The following SIGLEC6 variants were observed in gnomAD, a reference collection of about 807,000 sequenced individuals.
The protein encoded by SIGLEC6 is sialic acid-binding Ig-like lectin 6.
Under a neutral mutation model 41.4 loss-of-function variants are expected in SIGLEC6, and 31 were observed. The observed-to-expected ratio is 0.75, with a 90% CI of 0.56 to 1.01. The LOEUF is 1.01. Among genes scored for constraint, SIGLEC6 ranks in the 50% least tolerant of loss-of-function variants. The pLI is 0.00. For synonymous variants in SIGLEC6, 217 were observed against 231.0 expected, an observed-to-expected ratio of 0.94 and a Z score of 0.55; for missense variants, 555 against 558.6, an observed-to-expected ratio of 0.99 and a Z score of 0.06.
chr19:51,519,960 G>A lies in SIGLEC6; in HGVS notation c.*122C>T, dbSNP rs574497500. 36 of 893,274 alleles carry A rather than the reference G, an allele frequency of 4.0e-5. No homozygotes were observed. The highest frequency in any genetic ancestry group is 5.3e-5 in the Non-Finnish European group (33 of 619,168). The allele number at this position is 893,274 out of a possible 1,614,324, so 55.3% of individuals were successfully genotyped here. On this transcript the variant is annotated 3_prime_UTR_variant, in exon 8 of 8. Coordinates refer to ENST00000425629, the MANE Select transcript of SIGLEC6 (RefSeq NM_001245.7). ...AGACCTCTAACATCTGAAACTATAC[G>A]AAAATAAAGTTCTGTGTTTATGTCA...
chr19:51,531,596 G>A lies in SIGLEC6; in HGVS notation c.53C>T (p.Pro18Leu), dbSNP rs558145332. The A allele has an allele frequency of 1.4e-5, 22 of 1,613,676 alleles. No individual in the cohort carries two copies. The African/African-American group carries it at 2.7e-4, about 20-fold the overall frequency. ...SASEMLPLLL[P>L]LLWAGALAQE... ...GGCCCACTCACCTGCCCACAGCAGG[G>A]GCAGCAGCAGCGGTAGCATCTCTGA... The change falls in exon 1 of 8, where the codon CCC becomes CTC. Residue 18 changes from proline (P) to leucine (L), a missense_variant. Physicochemically the swap from Pro to Leu is moderately conservative, Grantham distance 98. Coordinates refer to ENST00000425629, the MANE Select transcript of SIGLEC6 (RefSeq NM_001245.7).
In SIGLEC6 at chr19:51,531,317, C is replaced by T; in HGVS notation, c.270G>A (p.Arg90=). The T allele has an allele frequency of 1.9e-6, 3 of 1,614,192 alleles. No individual in the cohort carries two copies. Among genetic ancestry groups the T allele is most frequent in the Non-Finnish European group, 2.5e-6 (3 of 1,180,024 alleles). Residue 90 remains arginine, a synonymous_variant, in exon 2 of 8, where the codon CGG becomes CGA. Transcript: ENST00000425629. ...DPDEEVQEET[R]GRFHLLWDPR... ...GATCCCAGAGGAGGTGGAATCGGCC[C>T]CGGGTCTCCTCCTGCACTTCTTCGT...
At chr19:51,526,365 G>A (rs1416567068) in intron 7 of SIGLEC6, among the ~76,000 whole-genome samples, 3 of 152,208 alleles carry the variant, frequency 2.0e-5, no homozygotes, top group Admixed American at 1.3e-4. Flanking sequence ...GGCTGAACAA[G>A]AGCCTACCTG....
intron 7 of SIGLEC6, among the ~76,000 whole-genome samples, chr19:51,523,907 C>T (rs1052022643): frequency 2.6e-5 from 4 of 152,136 alleles, no homozygotes; most frequent in Admixed American, 6.5e-5. Context: ...CCTGTAATCC[C>T]AGCCACTCGG....
rs200338100 is a variant in SIGLEC6 at position 51,529,702 on chromosome 19, G to A, written c.1012+22C>T. ...CTCTCGCCCAGCTGCCCACACTCTCGCGCACCTCCCCCCACACTCACAATG... is the reference window on the plus strand; with the variant it reads ...CTCTCGCCCAGCTGCCCACACTCTCACGCACCTCCCCCCACACTCACAATG... On this transcript the variant is annotated intron_variant, in intron 5 of 7. Transcript: ENST00000425629. 1.1e-4 allele frequency: 178 copies of A among 1,613,478 alleles called. No homozygotes were observed. In the East Asian group the frequency reaches 3.0e-3, roughly 27 times the overall value.
At chr19:51,523,140 A>T (rs1181327557) in intron 7 of SIGLEC6, among the ~76,000 whole-genome samples, 1 of 151,980 alleles carries the variant, frequency 6.6e-6, no homozygotes. Flanking sequence ...ATCCTGTCTC[A>T]GGAAAAAAAA....
Position 51,529,866 on chromosome 19 carries a change from G to T in SIGLEC6, c.870C>A (p.Phe290Leu). 6.2e-7 allele frequency: 1 copy of T among 1,614,156 alleles called. No individual in the cohort carries two copies. Among genetic ancestry groups the T allele is most frequent in the Non-Finnish European group, 8.5e-7 (1 of 1,180,024 alleles). Residue 290 changes from phenylalanine (F) to leucine (L), a missense_variant, in exon 5 of 8, where the codon TTC becomes TTA. Transcript: ENST00000425629. ...PPAHLSWFQG[F>L]PALNATPISN... ...AGATGGGGGTGGCGTTCAGGGCGGG[G>T]AAGCCCTGGAACCAGCTCAGGTGTG... is the stretch of plus-strand genomic sequence containing the variant.
chr19:51,530,284 C>A (rs1053590426), intron 4 of SIGLEC6, among the ~76,000 whole-genome samples, 153 bp downstream of exon 4: 1 of 152,128 alleles, frequency 6.6e-6, no homozygotes, highest in Non-Finnish European at 1.5e-5. Context: ...CAGCTCCTGC[C>A]GAAGAGGCGA....
At chr19:51,521,160 C>T (rs965335569) in intron 7 of SIGLEC6, among the ~76,000 whole-genome samples, 1 of 152,182 alleles carries the variant, frequency 6.6e-6, no homozygotes, top group Admixed American at 6.5e-5. Flanking sequence ...CTCTCCTGTA[C>T]CTTCTCTTTC....
In SIGLEC6 at chr19:51,530,851, A is replaced by T. The variant is rs1980175343; in HGVS notation, c.536T>A (p.Ile179Asn). 6.2e-7 allele frequency: 1 copy of T among 1,613,760 alleles called. No individual in the cohort carries two copies. Among genetic ancestry groups the T allele is most frequent in the Admixed American group, 1.7e-5 (1 of 59,976 alleles). ...PWVCEQGTPP[I>N]FSWMSAAPTS... Reference sequence around the variant, plus strand: ...GGGGGCAGCTGACATCCAGGAGAAGATGGGGGGCGTCCCCTGCTCACAGAC... The same window carrying T: ...GGGGGCAGCTGACATCCAGGAGAAGTTGGGGGGCGTCCCCTGCTCACAGAC... The change falls in exon 3 of 8, where the codon ATC becomes AAC. Residue 179 changes from isoleucine to asparagine, a missense_variant. Coordinates refer to ENST00000425629, the MANE Select transcript of SIGLEC6 (RefSeq NM_001245.7).
chr19:51,520,775 G>A (rs943817495), intron 7 of SIGLEC6, among the ~76,000 whole-genome samples: 2 of 152,184 alleles, frequency 1.3e-5, no homozygotes, highest in African/African-American at 4.8e-5. Flanking sequence ...ATGCTTTGCA[G>A]TGGATTCCAT....
At position 51,528,179 on chromosome 19, in the gene SIGLEC6, A is replaced by G; in HGVS notation, c.1087T>C (p.Cys363Arg). The change falls in exon 6 of 8, where the codon TGT becomes CGT. Residue 363 changes from cysteine to arginine, a missense_variant. Cys to Arg is a radical substitution (Grantham distance 180). Coordinates refer to ENST00000425629, the MANE Select transcript of SIGLEC6 (RefSeq NM_001245.7). Reference protein sequence around the residue: ...GASITTLVFLCVCFIFRVKTR... With the variant: ...GASITTLVFLRVCFIFRVKTR... ...TCTCACCTGAAGATGAAGCAAACAC[A>G]GAGGAAAACCAGGGTTGTGATGCTA... 1 of 1,614,160 alleles carries G rather than the reference A, an allele frequency of 6.2e-7. No individual in the cohort carries two copies. Among genetic ancestry groups the G allele is most frequent in the Non-Finnish European group, 8.5e-7 (1 of 1,180,002 alleles).
intron 7 of SIGLEC6, among the ~76,000 whole-genome samples, chr19:51,521,258 G>A (rs567982884): frequency 6.6e-6 from 1 of 152,152 alleles, no homozygotes; most frequent in African/African-American, 2.4e-5. Context: ...CACACTAAGT[G>A]TGTTATATCT....
intron 7 of SIGLEC6, among the ~76,000 whole-genome samples, chr19:51,520,518 A>C (rs559451379): frequency 1.9e-3 from 293 of 152,072 alleles, no homozygotes; most frequent in African/African-American, 6.8e-3. Context: ...CCTCCTGTGT[A>C]GCTGGGACTA....
chr19:51,520,318 G>C (rs995829944), intron 7 of SIGLEC6, 63 bp from the exon 8 acceptor site: 38 of 1,184,552 alleles, frequency 3.2e-5, no homozygotes, highest in South Asian at 8.5e-5. Context: ...AGCAGCCAAG[G>C]ATCAGAAAGG....
At chr19:51,530,416 A>G in intron 4 of SIGLEC6, 21 bp downstream of exon 4, 1 of 1,611,480 alleles carries the variant, frequency 6.2e-7, no homozygotes, top group South Asian at 1.1e-5. Context: ...CCTGGAGAGA[A>G]CAGGACTGGC....
Position 51,531,609 on chromosome 19 carries a change from G to C in SIGLEC6, c.40C>G (p.Pro14Ala), listed in dbSNP as rs1386123682. The change falls in exon 1 of 8, where the codon CCG becomes GCG. Residue 14 changes from proline to alanine, a missense_variant. Transcript: ENST00000425629. ...AQEASASEML[P>A]LLLPLLWAGA... is the part of the protein sequence containing the mutation. ...GCCCACAGCAGGGGCAGCAGCAGCG[G>C]TAGCATCTCTGAGGCGGAGGCTTCC... 1 of 1,613,194 alleles carries C rather than the reference G, an allele frequency of 6.2e-7. No individual in the cohort carries two copies.
intron 4 of SIGLEC6, 52 bp from the exon 5 acceptor site, chr19:51,530,033 C>A (rs1195198960): frequency 5.9e-6 from 9 of 1,525,326 alleles, no homozygotes; most frequent in Non-Finnish European, 7.9e-6. Context: ...GGGCAAAGCA[C>A]TGGTGTCCCT....
chr19:51,528,492 C>T (rs1979621385), intron 5 of SIGLEC6: 2 of 560,180 alleles, frequency 3.6e-6, no homozygotes. Context: ...GAAACATCTT[C>T]TCCAAGCTTC....
Sources: gnomAD v4.1 joint callset for allele counts (sites outside exome capture counted in the v4.1 genomes callset) on GRCh38, gnomAD v4.1.1 for gene constraint, MANE v1.5 for transcripts, NCBI Gene and HGNC (gene_info 2026-07-23, HGNC 2026-07-21) for gene names.